PARP9: variants seen among roughly 807,000 people sequenced by gnomAD.
PARP9 encodes poly(ADP-ribose) polymerase family member 9.
Under a neutral mutation model 68.8 loss-of-function variants are expected in PARP9, and 48 were observed. That is an observed-to-expected ratio of 0.70 (90% CI 0.55 to 0.89). PARP9 has a LOEUF of 0.89. Ranked by LOEUF, PARP9 falls within the 40% of genes least tolerant of loss-of-function variation. The pLI is 0.00. For synonymous variants in PARP9, 309 were observed against 333.8 expected (o/e 0.93, Z 0.81); for missense variants, 806 against 969.3 (o/e 0.83, Z 2.24).
Position 122,540,638 on chromosome 3 carries a change from A to C in PARP9, c.1599T>G (p.Thr533=), listed in dbSNP as rs1340428133. ...TAATTTCTGTGATGGAGACACTTGA[A>C]GTTTTCTGAAGCTGAGACAAAATGT... The part of the protein sequence containing the change: ...EHDILSQLQK[T]SSVSITEIIS... Residue 533 remains threonine (T), a synonymous_variant, in exon 8 of 11, where the codon ACT becomes ACG. Transcript: ENST00000682323. 2.5e-6 allele frequency: 4 copies of C among 1,614,024 alleles called. No individual in the cohort carries two copies. The African/African-American group carries it at 4.0e-5, about 16-fold the overall frequency.
At position 122,536,233 on chromosome 3, in the gene PARP9, A is replaced by T. The variant is rs1265398018; in HGVS notation, c.2015T>A (p.Val672Asp). The T allele has an allele frequency of 6.2e-7, 1 of 1,614,182 alleles. No homozygotes were observed. The highest frequency in any genetic ancestry group is 2.2e-5 in the East Asian group (1 of 44,884). ...QPVSHRLFQQ[V>D]PYQFCNVVCR... ...TACCACATTGCAGAACTGGTATGGG[A>T]CTTGCTGAAACAGCCTATGGCTCAC... Residue 672 changes from valine to aspartate, a missense_variant, in exon 10 of 11, where the codon GTC becomes GAC. Val to Asp is a radical substitution (Grantham distance 152). This residue lies in a region of PARP9 where 680 missense variants were observed against 858.8 expected (regional missense o/e 0.79). Coordinates refer to ENST00000682323, the MANE Select transcript of PARP9 (RefSeq NM_001146105.2).
chr3:122,534,912 G>A (rs1039465965), intron 10 of PARP9: 3 of 972,206 alleles, frequency 3.1e-6, no homozygotes, highest in East Asian at 1.1e-4. Context: ...AGAACTGCCT[G>A]AACTTGAGCT....
chr3:122,550,472 A>AC, intron 6 of PARP9, 112 bp downstream of exon 6: 1 of 876,128 alleles, frequency 1.1e-6, no homozygotes. Context: ...ACCACACTGT[A>AC]CAGCACCTAG....
Position 122,564,215 on chromosome 3 carries a change from C to T in PARP9, c.-90+30G>A, listed in dbSNP as rs1036348429. 1.1e-5 allele frequency: 6 copies of T among 553,348 alleles called. No individual in the cohort carries two copies. In the East Asian group the frequency reaches 2.1e-4, roughly 19 times the overall value. 34.3% of individuals were successfully genotyped at this position (553,348 alleles called of 1,614,324 possible). A position where few individuals can be genotyped will look rare whatever the true frequency, so the allele number is the denominator to read the frequency against. ...CTCGAGCCTGCAGGAGAGGGGACCC[C>T]GAGGGCCCAGAGGCACCGGACCTAC... On this transcript the variant is annotated intron_variant, in intron 1 of 10. Coordinates refer to ENST00000682323, the MANE Select transcript of PARP9 (RefSeq NM_001146105.2).
At chr3:122,553,091 A>G (rs1001384457) in intron 4 of PARP9, among the ~76,000 whole-genome samples, 4 of 152,172 alleles carry the variant, frequency 2.6e-5, no homozygotes, top group African/African-American at 9.7e-5. Context: ...TAATGTTTTT[A>G]TGGTTTAAGG....
intron 7 of PARP9, among the ~76,000 whole-genome samples, chr3:122,541,416 T>C (rs539151591): frequency 4.6e-5 from 7 of 152,324 alleles, no homozygotes; most frequent in African/African-American, 1.7e-4. Flanking sequence ...CTATGTTGCA[T>C]TTGGCAGTTC....
intron 2 of PARP9, 114 bp from the exon 3 acceptor site, chr3:122,558,581 G>T: frequency 1.6e-6 from 2 of 1,250,614 alleles, no homozygotes; most frequent in Non-Finnish European, 2.2e-6. Context: ...TCAAAGCACT[G>T]TGTTTGGGAG....
chr3:122,539,507 AT>A (rs1553714535), intron 8 of PARP9, among the ~76,000 whole-genome samples: 89 of 133,236 alleles, frequency 6.7e-4, no homozygotes, highest in African/African-American at 2.4e-3. Flanking sequence ...CCAAGATGGC[AT>A]TTCTTTCTTT....
intron 10 of PARP9, 125 bp from the exon 11 acceptor site, chr3:122,528,868 C>A: frequency 1.0e-6 from 1 of 980,718 alleles, no homozygotes; most frequent in Non-Finnish European, 1.5e-6. Flanking sequence ...ATTCTGAGTT[C>A]CTGTGTCTAT....
At chr3:122,558,978 G>T (rs1414642627) in intron 2 of PARP9, among the ~76,000 whole-genome samples, 4 of 152,200 alleles carry the variant, frequency 2.6e-5, no homozygotes, top group African/African-American at 9.6e-5. Flanking sequence ...AGCCTCTGTA[G>T]TAACTGGGAT....
rs2077505716 is a variant in PARP9 at position 122,534,497 on chromosome 3, A to G, written c.2080+1671T>C. Reference sequence around the variant, plus strand: ...TGTGTTTTGCTTCTCCCCTTTCAACATGAGAGTTTTCATTGCAGTTTTCCC... The same window carrying G: ...TGTGTTTTGCTTCTCCCCTTTCAACGTGAGAGTTTTCATTGCAGTTTTCCC... On this transcript the variant is annotated intron_variant, in intron 10 of 10. Coordinates refer to ENST00000682323, the MANE Select transcript of PARP9 (RefSeq NM_001146105.2). 8.6e-6 allele frequency: 8 copies of G among 926,830 alleles called. No individual in the cohort carries two copies. The South Asian group carries it at 3.5e-4, about 40-fold the overall frequency. 57.4% of individuals were successfully genotyped at this position (926,830 alleles called of 1,614,324 possible).
chr3:122,555,344 G>C lies in PARP9; in HGVS notation c.827C>G (p.Ala276Gly). The stretch of plus-strand genomic sequence containing the variant: ...GAGGGTCAGGTTGTTCACGACCATT[G>C]CATTGAAAGAAGGGGTGGTTTCTTG... ...LGQETTPSFN[A>G]MVVNNLTLQI... is the part of the protein sequence containing the mutation. The change falls in exon 4 of 11, where the codon GCA becomes GGA. Residue 276 changes from alanine to glycine, a missense_variant. This residue lies in a region of PARP9 where 680 missense variants were observed against 858.8 expected (regional missense o/e 0.79). Coordinates refer to ENST00000682323, the MANE Select transcript of PARP9 (RefSeq NM_001146105.2). 1 of 1,614,076 alleles carries C rather than the reference G, an allele frequency of 6.2e-7. No individual in the cohort carries two copies. Among genetic ancestry groups the C allele is most frequent in the Non-Finnish European group, 8.5e-7 (1 of 1,179,988 alleles).
chr3:122,547,112 C>CTTTTTTT lies in PARP9; in HGVS notation c.1327-1630_1327-1624dup, dbSNP rs35670026. ...TATATATATACACGTATTTTTTTTT[C>CTTTTTTT]TTTTTTTTTTTTTTTGAGATGGCCC... On this transcript the variant is annotated intron_variant, in intron 6 of 10. Transcript: ENST00000682323. Among the ~76,000 whole-genome samples, 2 of 104,042 alleles carry CTTTTTTT rather than the reference C, an allele frequency of 1.9e-5. 1 individual carries two copies. The highest frequency in any genetic ancestry group is 7.4e-5 in the African/African-American group (2 of 27,048). The allele number at this position is 104,042 out of a possible 152,430, so 68.3% of individuals were successfully genotyped here.
intron 10 of PARP9, chr3:122,533,911 G>A (rs1330804155): frequency 1.0e-6 from 1 of 985,368 alleles, no homozygotes; most frequent in African/African-American, 1.7e-5. Context: ...AAAAAGCTAA[G>A]AGCTTTTGTA....
At chr3:122,550,864 T>C in intron 5 of PARP9, 62 bp from the exon 6 acceptor site, 1 of 1,412,572 alleles carries the variant, frequency 7.1e-7, no homozygotes, top group South Asian at 1.2e-5. Context: ...CACTTACCCC[T>C]TGATCCTGCC....
At position 122,537,158 on chromosome 3, in the gene PARP9, G is replaced by A; in HGVS notation, c.1766-85C>T. The A allele has an allele frequency of 8.6e-6, 12 of 1,399,500 alleles. No homozygotes were observed. The South Asian group carries it at 1.5e-4, about 18-fold the overall frequency. The allele number at this position is 1,399,500 out of a possible 1,614,324, so 86.7% of individuals were successfully genotyped here. The stretch of plus-strand genomic sequence containing the variant: ...TAATGAAACAAATTCTAGAAATTTA[G>A]AGGAAGGGATTAGCCAGTTTAAATT... On this transcript the variant is annotated intron_variant, in intron 8 of 10. Coordinates refer to ENST00000682323, the MANE Select transcript of PARP9 (RefSeq NM_001146105.2).
At chr3:122,545,347 T>TC in intron 7 of PARP9, 85 bp downstream of exon 7, 2 of 1,376,298 alleles carry the variant, frequency 1.5e-6, no homozygotes, top group Non-Finnish European at 2.1e-6. Flanking sequence ...ATTCTTCTTC[T>TC]CCCCTCCGTT....
At chr3:122,554,323 A>G (rs539676203) in intron 4 of PARP9, among the ~76,000 whole-genome samples, 84 of 152,276 alleles carry the variant, frequency 5.5e-4, no homozygotes, top group Non-Finnish European at 9.4e-4. Context: ...CTTGTCACAA[A>G]TTTACATACT....
intron 6 of PARP9, among the ~76,000 whole-genome samples, chr3:122,549,745 C>T (rs1365230681): frequency 6.6e-6 from 1 of 151,846 alleles, no homozygotes; most frequent in Non-Finnish European, 1.5e-5. Flanking sequence ...TGTGCCACTG[C>T]ACTCCAGCCT....
Sources: allele counts gnomAD v4.1 joint callset (sites outside exome capture counted in the v4.1 genomes callset), GRCh38; gene constraint gnomAD v4.1.1; regional missense constraint gnomAD v4.1.1; transcripts MANE v1.5; gene names NCBI Gene and HGNC (gene_info 2026-07-23, HGNC 2026-07-21).